GAB2: variants seen among roughly 807,000 people sequenced by gnomAD.
The protein encoded by GAB2 is GRB2 associated binding protein 2, also known as GRB2-associated-binding protein 2.
In GAB2, 26 loss-of-function variants were observed where a neutral mutation model predicts 65.5. The observed-to-expected ratio is 0.40, with a 90% CI of 0.29 to 0.55. GAB2 has a LOEUF of 0.55. Ranked by LOEUF, GAB2 falls within the 20% of genes least tolerant of loss-of-function variation. The pLI, the probability that GAB2 is intolerant of heterozygous loss-of-function variation, is 0.53. For missense variants in GAB2, 884 were observed against 875.8 expected (o/e 1.01, Z -0.12); for synonymous variants, 321 against 329.6 (o/e 0.97, Z 0.28).
At chr11:78,253,499 G>A (rs1445952371) in intron 2 of GAB2, among the ~76,000 whole-genome samples, 2 of 151,988 alleles carry the variant, frequency 1.3e-5, no homozygotes, top group Admixed American at 6.6e-5. Flanking sequence ...TCACTATGTT[G>A]CCCAGGCTAG....
At chr11:78,323,246 AG>A (rs1329049118) in intron 1 of GAB2, among the ~76,000 whole-genome samples, 3 of 152,228 alleles carry the variant, frequency 2.0e-5, no homozygotes, top group African/African-American at 7.2e-5. Flanking sequence ...GAGGTGGCTC[AG>A]GTCTGTAATC....
chr11:78,263,416 G>A (rs1341282061), intron 2 of GAB2, among the ~76,000 whole-genome samples: 2 of 151,986 alleles, frequency 1.3e-5, no homozygotes, highest in South Asian at 2.1e-4. Context: ...GGCAGATGAC[G>A]AGGTCAGGAG....
intron 3 of GAB2, among the ~76,000 whole-genome samples, chr11:78,230,699 C>T (rs1490237454): frequency 6.6e-6 from 1 of 152,218 alleles, no homozygotes; most frequent in Non-Finnish European, 1.5e-5. Context: ...CCTCAGTAAC[C>T]AAGTAAGAGG....
chr11:78,222,749 A>C (rs1021510462), intron 6 of GAB2, among the ~76,000 whole-genome samples: 1 of 151,828 alleles, frequency 6.6e-6, no homozygotes, highest in Non-Finnish European at 1.5e-5. Context: ...CGCTTAGCTA[A>C]TTTTTATATT....
At chr11:78,386,862 G>A (rs760571564) in intron 1 of GAB2, among the ~76,000 whole-genome samples, 10 of 152,182 alleles carry the variant, frequency 6.6e-5, no homozygotes, top group Non-Finnish European at 1.2e-4. Context: ...TATCTCTTAC[G>A]AAGAGACAAT....
At chr11:78,368,448 C>T (rs1856526318) in intron 1 of GAB2, among the ~76,000 whole-genome samples, 1 of 152,128 alleles carries the variant, frequency 6.6e-6, no homozygotes, top group Admixed American at 6.5e-5. Context: ...AGTTAAATCA[C>T]GTTTGTGCAG....
intron 1 of GAB2, among the ~76,000 whole-genome samples, chr11:78,361,781 C>CT (rs1437284989): frequency 5.9e-5 from 9 of 152,250 alleles, no homozygotes; most frequent in Middle Eastern, 3.4e-3. Flanking sequence ...TACAAACCCT[C>CT]TGGAGAGCAA....
At chr11:78,258,869 T>C (rs1865663899) in intron 2 of GAB2, among the ~76,000 whole-genome samples, 2 of 152,220 alleles carry the variant, frequency 1.3e-5, no homozygotes, top group Non-Finnish European at 2.9e-5. Context: ...TTCATTGGCA[T>C]TTTTTCTTTT....
At chr11:78,265,925 A>G (rs1169416811) in intron 2 of GAB2, among the ~76,000 whole-genome samples, 2 of 152,152 alleles carry the variant, frequency 1.3e-5, no homozygotes, top group Non-Finnish European at 2.9e-5. Context: ...ACTGTAACTA[A>G]AACATTCAGC....
chr11:78,404,857 T>C (rs1274608722), intron 1 of GAB2, among the ~76,000 whole-genome samples: 1 of 152,228 alleles, frequency 6.6e-6, no homozygotes, highest in East Asian at 1.9e-4. Flanking sequence ...AGAGCAAGTA[T>C]AGTTAACAAT....
chr11:78,360,938 T>TA (rs1358366265), intron 1 of GAB2, among the ~76,000 whole-genome samples: 1 of 151,998 alleles, frequency 6.6e-6, no homozygotes, highest in Non-Finnish European at 1.5e-5. Flanking sequence ...GTAAAGTTCA[T>TA]AAAGAAAAAC....
intron 1 of GAB2, among the ~76,000 whole-genome samples, chr11:78,383,088 C>T (rs1372754980): frequency 6.6e-6 from 1 of 152,092 alleles, no homozygotes; most frequent in East Asian, 1.9e-4. Flanking sequence ...GCCTGACCAA[C>T]ATGGCAAAAC....
chr11:78,324,686 G>C (rs779743736), intron 1 of GAB2: 14 of 152,162 alleles, frequency 9.2e-5, no homozygotes, highest in Non-Finnish European at 1.2e-4. Context: ...TTCTGAAGTA[G>C]GAATCCTTAT....
At position 78,355,326 on chromosome 11, in the gene GAB2, C is replaced by A. The variant is rs188486890; in HGVS notation, c.75+62320G>T. On this transcript the variant is annotated intron_variant, in intron 1 of 9. Transcript: ENST00000361507. The stretch of plus-strand genomic sequence containing the variant: ...AGATTGGCACGAATGATCACAAGAG[C>A]TCTCCCACCCAACTGTAACCTTCTG... Among the ~76,000 whole-genome samples the A allele has an allele frequency of 3.3e-5, 5 of 152,250 alleles. No homozygotes were observed. The East Asian group carries it at 7.7e-4, about 24-fold the overall frequency.
chr11:78,280,492 G>A, intron 2 of GAB2, 109 bp downstream of exon 2: 1 of 880,208 alleles, frequency 1.1e-6, no homozygotes, highest in Non-Finnish European at 1.8e-6. Flanking sequence ...CTTTATCTAT[G>A]AACGCTCTTC....
chr11:78,338,626 C>A (rs1856041804), intron 1 of GAB2, among the ~76,000 whole-genome samples: 1 of 152,142 alleles, frequency 6.6e-6, no homozygotes, highest in African/African-American at 2.4e-5. Flanking sequence ...AGAATTCAAT[C>A]CCATTTCTGA....
chr11:78,274,704 G>A (rs1866118946), intron 2 of GAB2, among the ~76,000 whole-genome samples: 3 of 152,144 alleles, frequency 2.0e-5, no homozygotes, highest in Admixed American at 1.3e-4. Context: ...TACTAAATTA[G>A]GAATATTCTA....
intron 8 of GAB2, 56 bp downstream of exon 8, chr11:78,221,621 G>T: frequency 2.9e-6 from 3 of 1,038,590 alleles, no homozygotes; most frequent in Non-Finnish European, 4.4e-6. Flanking sequence ...GGGAACTGAG[G>T]GGTGGGTCCC....
chr11:78,398,041 C>T (rs12295078), intron 1 of GAB2, among the ~76,000 whole-genome samples: 27 of 151,398 alleles, frequency 1.8e-4, no homozygotes, highest in Non-Finnish European at 2.9e-4. Context: ...CACACACACA[C>T]ATCCCTGGCC....
Sources: gnomAD v4.1 joint callset for allele counts (sites outside exome capture counted in the v4.1 genomes callset) on GRCh38, gnomAD v4.1.1 for gene constraint, MANE v1.5 for transcripts, NCBI Gene and HGNC (gene_info 2026-07-23, HGNC 2026-07-21) for gene names.